The following TUT4 variants were observed in gnomAD, a reference collection of about 807,000 sequenced individuals.
TUT4 encodes terminal uridylyltransferase 4.
Under a neutral mutation model 192.2 loss-of-function variants are expected in TUT4, and 36 were observed. That is an observed-to-expected ratio of 0.19 (90% CI 0.14 to 0.25). TUT4 has a LOEUF of 0.25. Among genes scored for constraint, TUT4 ranks in the 10% least tolerant of loss-of-function variants. The pLI is 1.00. For missense variants in TUT4, 1,493 were observed against 1,957.2 expected (o/e 0.76, Z 4.47); for synonymous variants, 618 against 666.0 (o/e 0.93, Z 1.11).
chr1:52,484,359 T>C (rs1452163490), intron 9 of TUT4, among the ~76,000 whole-genome samples: 2 of 152,306 alleles, frequency 1.3e-5, no homozygotes, highest in East Asian at 3.9e-4. Context: ...TAAAGTATGT[T>C]AGAGTCTATG....
At chr1:52,466,155 G>T (rs570343640) in intron 15 of TUT4, among the ~76,000 whole-genome samples, 2 of 151,936 alleles carry the variant, frequency 1.3e-5, no homozygotes, top group Admixed American at 1.3e-4. Flanking sequence ...AATGATAGCT[G>T]AGAGGCAAAA....
chr1:52,497,802 G>A (rs1367276855), intron 4 of TUT4, among the ~76,000 whole-genome samples: 1 of 152,070 alleles, frequency 6.6e-6, no homozygotes, highest in Non-Finnish European at 1.5e-5. Flanking sequence ...TAAAACACAG[G>A]AAAATACAAA....
intron 14 of TUT4, among the ~76,000 whole-genome samples, chr1:52,471,034 T>TA (rs927545468): frequency 4.8e-5 from 7 of 146,436 alleles, no homozygotes; most frequent in African/African-American, 1.3e-4. Context: ...TTTTTTTTTT[T>TA]AAGACGGAGT....
intron 1 of TUT4, among the ~76,000 whole-genome samples, chr1:52,540,446 T>C (rs1190130129): frequency 7.3e-5 from 10 of 136,588 alleles, no homozygotes; most frequent in Non-Finnish European, 1.2e-4. Flanking sequence ...ACCGGGGAGG[T>C]AGAGATTGCA....
chr1:52,498,614 C>T (rs1284383225), intron 4 of TUT4, among the ~76,000 whole-genome samples: 1 of 151,794 alleles, frequency 6.6e-6, no homozygotes, highest in African/African-American at 2.4e-5. Flanking sequence ...AGGCCGGATG[C>T]AGCGGCTCAC....
At chr1:52,531,124 C>A (rs1163334323) in intron 1 of TUT4, among the ~76,000 whole-genome samples, 3 of 152,112 alleles carry the variant, frequency 2.0e-5, no homozygotes, top group African/African-American at 4.8e-5. Flanking sequence ...TCAGAACTAA[C>A]CTCTAGTTCT....
rs1048938674 is a variant in TUT4, at chr1:52,463,533, T to C, written c.3069+1537A>G. The C allele has an allele frequency of 6.0e-6, 7 of 1,157,396 alleles. No individual in the cohort carries two copies. The African/African-American group carries it at 9.7e-5, about 16-fold the overall frequency. 71.7% of individuals were successfully genotyped at this position (1,157,396 alleles called of 1,614,324 possible). ...AGCACACTATTCTGCTGAATTCTTTTATAATGTAACAGAGGCGATACTGAC... is the reference window on the plus strand; with the variant it reads ...AGCACACTATTCTGCTGAATTCTTTCATAATGTAACAGAGGCGATACTGAC... On this transcript the variant is annotated intron_variant, in intron 16 of 29. Transcript: ENST00000257177.
chr1:52,542,761 A>T (rs200216851), intron 1 of TUT4, among the ~76,000 whole-genome samples: 4,113 of 147,456 alleles, frequency 0.028, 77 homozygotes, highest in South Asian at 0.064. Context: ...TTATTTATTT[A>T]TTTATTTATT....
At position 52,461,700 on chromosome 1, in the gene TUT4, C is replaced by T. The variant is rs550474437; in HGVS notation, c.3127+12G>A. 187 of 1,526,636 alleles carry T rather than the reference C, an allele frequency of 1.2e-4. 1 individual carries two copies. Among genetic ancestry groups the T allele is most frequent in the Middle Eastern group, 7.5e-4 (4 of 5,306 alleles). 94.6% of individuals were successfully genotyped at this position (1,526,636 alleles called of 1,614,324 possible). ...TTTATTTTGTTTTACAGATAAGATTCAAAATTCATACCTGGATGTCTCTTA... is the reference window on the plus strand; with the variant it reads ...TTTATTTTGTTTTACAGATAAGATTTAAAATTCATACCTGGATGTCTCTTA... On this transcript the variant is annotated intron_variant, in intron 17 of 29. Transcript: ENST00000257177.
intron 14 of TUT4, 83 bp from the exon 15 acceptor site, chr1:52,468,350 A>G: frequency 9.6e-7 from 1 of 1,039,716 alleles, no homozygotes; most frequent in Non-Finnish European, 1.4e-6. Context: ...TTTACCCTAA[A>G]AATTTTACTT....
rs777874066 is a variant in TUT4 at position 52,475,157 on chromosome 1, G to C, written c.2402C>G (p.Ser801Cys). The change falls in exon 13 of 30, where the codon TCT becomes TGT. Residue 801 changes from serine to cysteine, a missense_variant. By Grantham distance (112) the Ser-to-Cys change is moderately radical (BLOSUM62 -1). Coordinates refer to ENST00000257177, the MANE Select transcript of TUT4 (RefSeq NM_001009881.3). ...ADHGQDSSSLSTSKSSEIEPK... is the reference protein window; with the variant it reads ...ADHGQDSSSLCTSKSSEIEPK... Reference sequence around the variant, plus strand: ...CTCTATTTCACTGCTTTTGCTGGTAGAAAGAGATGAAGAGTCCTGTCCGTG... The same window carrying C: ...CTCTATTTCACTGCTTTTGCTGGTACAAAGAGATGAAGAGTCCTGTCCGTG... 1.9e-6 allele frequency: 3 copies of C among 1,614,056 alleles called. No homozygotes were observed. The highest frequency in any genetic ancestry group is 2.2e-5 in the East Asian group (1 of 44,880).
rs1662565408 is a variant in TUT4 at position 52,461,519 on chromosome 1, A to G, written c.3225T>C (p.Asn1075=). ...CCTATAAAGATAAACTTACCAACGT[A>G]TTATATAAACTGATATCGCCTTCTA... is the stretch of plus-strand genomic sequence containing the variant. ...SGLEGDISLY[N]TLAQHNTRML... The change falls in exon 18 of 30, where the codon AAT becomes AAC. Residue 1075 remains asparagine, a synonymous_variant. Transcript: ENST00000257177. 3.1e-6 allele frequency: 5 copies of G among 1,612,008 alleles called. No homozygotes were observed. Among genetic ancestry groups the G allele is most frequent in the Non-Finnish European group, 4.2e-6 (5 of 1,179,056 alleles).
chr1:52,543,626 G>A (rs903971579), intron 1 of TUT4, among the ~76,000 whole-genome samples: 3 of 151,880 alleles, frequency 2.0e-5, no homozygotes, highest in African/African-American at 7.3e-5. Context: ...TGGGATTACA[G>A]GTACCTGCCA....
chr1:52,512,812 T>C (rs906042419), intron 3 of TUT4, among the ~76,000 whole-genome samples: 1 of 152,128 alleles, frequency 6.6e-6, no homozygotes, highest in African/African-American at 2.4e-5. Flanking sequence ...ATTTCTTCTT[T>C]GGTACAGAGC....
chr1:52,474,174 C>T lies in TUT4; in HGVS notation c.2727+658G>A, dbSNP rs1470543355. Among the ~76,000 whole-genome samples the T allele has an allele frequency of 7.2e-5, 11 of 152,138 alleles. 1 individual carries two copies. The stretch of plus-strand genomic sequence containing the variant: ...AGTGAGCTGAGATTGCACCACTGCA[C>T]TTCAGCCTGGGCAACAGAGCCAGAC... On this transcript the variant is annotated intron_variant, in intron 13 of 29. Coordinates refer to ENST00000257177, the MANE Select transcript of TUT4 (RefSeq NM_001009881.3).
chr1:52,448,462 G>A (rs932851681), intron 20 of TUT4, among the ~76,000 whole-genome samples: 1 of 151,998 alleles, frequency 6.6e-6, no homozygotes, highest in African/African-American at 2.4e-5. Context: ...GGTGGTTCGT[G>A]CTGGTAGTCC....
intron 1 of TUT4, among the ~76,000 whole-genome samples, chr1:52,530,898 G>C (rs1346455352): frequency 6.6e-6 from 1 of 152,132 alleles, no homozygotes; most frequent in African/African-American, 2.4e-5. Context: ...AGCTACTTGG[G>C]AGGCTGAGGT....
chr1:52,551,623 C>T (rs1689452860), intron 1 of TUT4, among the ~76,000 whole-genome samples: 1 of 152,228 alleles, frequency 6.6e-6, no homozygotes, highest in Non-Finnish European at 1.5e-5. Flanking sequence ...ATCAGTACTA[C>T]GATGCAGTGT....
intron 9 of TUT4, 67 bp from the exon 10 acceptor site, chr1:52,481,990 G>A (rs989951444): frequency 3.0e-6 from 4 of 1,343,576 alleles, no homozygotes; most frequent in African/African-American, 1.5e-5. Flanking sequence ...AAAGTAGCTT[G>A]CTTTTTCCTA....
Sources: gnomAD v4.1 joint callset for allele counts (sites outside exome capture counted in the v4.1 genomes callset) on GRCh38, gnomAD v4.1.1 for gene constraint, MANE v1.5 for transcripts, NCBI Gene and HGNC (gene_info 2026-07-23, HGNC 2026-07-21) for gene names.